The following TBC1D32 variants were observed in gnomAD, a reference collection of about 807,000 sequenced individuals.
TBC1D32 encodes protein broad-minded.
Under a neutral mutation model 170.3 loss-of-function variants are expected in TBC1D32, and 151 were observed. The observed-to-expected ratio is 0.89, with a 90% CI of 0.78 to 1.01. TBC1D32 has a LOEUF of 1.01. TBC1D32 is among the 50% of genes least tolerant of loss of function. The pLI is 0.00. For synonymous variants in TBC1D32, 498 were observed against 488.0 expected, an observed-to-expected ratio of 1.02 and a Z score of -0.27; for missense variants, 1,464 against 1,457.1, an observed-to-expected ratio of 1.00 and a Z score of -0.08.
intron 30 of TBC1D32, among the ~76,000 whole-genome samples, chr6:121,100,862 A>G (rs578158879): frequency 6.6e-6 from 1 of 152,216 alleles, no homozygotes; most frequent in South Asian, 2.1e-4. Context: ...AGAAGGAAAG[A>G]GAGAAGCATC....
At chr6:121,274,822 G>A (rs1272677430) in intron 15 of TBC1D32, among the ~76,000 whole-genome samples, 1 of 152,156 alleles carries the variant, frequency 6.6e-6, no homozygotes, top group African/African-American at 2.4e-5. Context: ...AAGTAGGTGG[G>A]AAGGCTCAAA....
At chr6:121,210,368 T>C (rs188236628) in intron 21 of TBC1D32, among the ~76,000 whole-genome samples, 1 of 152,314 alleles carries the variant, frequency 6.6e-6, no homozygotes, top group Admixed American at 6.5e-5. Context: ...TTTGAACACA[T>C]AATCTTCTTA....
At chr6:121,249,305 A>T (rs1233675473) in intron 17 of TBC1D32, among the ~76,000 whole-genome samples, 1 of 151,906 alleles carries the variant, frequency 6.6e-6, no homozygotes, top group Non-Finnish European at 1.5e-5. Flanking sequence ...AGGCATAGAC[A>T]GGACTTACCT....
chr6:121,141,711 GTATAC>G (rs1157223812), intron 24 of TBC1D32, among the ~76,000 whole-genome samples: 1 of 151,950 alleles, frequency 6.6e-6, no homozygotes, highest in African/African-American at 2.4e-5. Context: ...CCAATCCTAG[GTATAC>G]TGAAGAGAAA....
intron 21 of TBC1D32, among the ~76,000 whole-genome samples, chr6:121,206,477 A>C (rs1792290596): frequency 6.6e-6 from 1 of 152,156 alleles, no homozygotes; most frequent in Non-Finnish European, 1.5e-5. Flanking sequence ...TGGTACAAAG[A>C]CTATTTCATC....
intron 12 of TBC1D32, among the ~76,000 whole-genome samples, chr6:121,289,919 A>AAGG (rs1401785535): frequency 3.3e-5 from 5 of 152,194 alleles, no homozygotes; most frequent in African/African-American, 1.2e-4. Flanking sequence ...TATTCAATAA[A>AAGG]TGGTGCTGGG....
chr6:121,136,636 T>C (rs1782115053), intron 24 of TBC1D32, among the ~76,000 whole-genome samples: 1 of 152,146 alleles, frequency 6.6e-6, no homozygotes, highest in Non-Finnish European at 1.5e-5. Flanking sequence ...AATGGTAGTA[T>C]GCAAGTGGGT....
chr6:121,200,270 A>G (rs1562878765), intron 22 of TBC1D32, among the ~76,000 whole-genome samples: 1 of 151,422 alleles, frequency 6.6e-6, no homozygotes, highest in Non-Finnish European at 1.5e-5. Context: ...AACTAAGTAC[A>G]TCTTTAGCAT....
Position 121,095,767 on chromosome 6 carries a change from C to T in TBC1D32, c.3466-4726G>A, listed in dbSNP as rs964765799. 3.3e-5 allele frequency: 5 copies of T among 152,240 alleles called. No individual in the cohort carries two copies. The East Asian group carries it at 9.6e-4, about 29-fold the overall frequency. 9.4% of individuals were successfully genotyped at this position (152,240 alleles called of 1,614,324 possible). On this transcript the variant is annotated intron_variant, in intron 30 of 31. Transcript: ENST00000398212. ...TGCGTATGTTGAACCAGTCTTGCATCCCAGGGATGAAGCCGACTTGATTGT... is the reference window on the plus strand; with the variant it reads ...TGCGTATGTTGAACCAGTCTTGCATTCCAGGGATGAAGCCGACTTGATTGT...
intron 12 of TBC1D32, among the ~76,000 whole-genome samples, chr6:121,284,915 T>C (rs990763680): frequency 1.4e-4 from 22 of 152,196 alleles, no homozygotes; most frequent in African/African-American, 5.1e-4. Context: ...GTGCTCATTA[T>C]GCATAGAATT....
intron 10 of TBC1D32, 50 bp from the exon 11 acceptor site, chr6:121,294,710 CAAGAATTAA>C: frequency 7.2e-7 from 1 of 1,392,154 alleles, no homozygotes; most frequent in Non-Finnish European, 1.0e-6. Context: ...CCCTCAAGTC[CAAGAATTAA>C]AAGAAATTAG....
chr6:121,270,784 T>C (rs957353836), intron 15 of TBC1D32, among the ~76,000 whole-genome samples: 8 of 152,084 alleles, frequency 5.3e-5, no homozygotes, highest in Non-Finnish European at 7.4e-5. Flanking sequence ...ATCCTGATAC[T>C]AAAGCCTGGC....
intron 3 of TBC1D32, among the ~76,000 whole-genome samples, chr6:121,317,237 TTA>T (rs1051310873): frequency 9.9e-5 from 15 of 151,956 alleles, no homozygotes; most frequent in African/African-American, 3.6e-4. Flanking sequence ...GTTCAACACA[TTA>T]TTTTTTTTAA....
At chr6:121,222,820 C>T (rs1342482159) in intron 21 of TBC1D32, among the ~76,000 whole-genome samples, 7 of 152,150 alleles carry the variant, frequency 4.6e-5, no homozygotes, top group African/African-American at 1.2e-4. Context: ...ATACTGCCCT[C>T]ATGGGGCAAT....
intron 1 of TBC1D32, among the ~76,000 whole-genome samples, chr6:121,324,077 A>T (rs7740477): frequency 0.99 from 150,528 of 152,338 alleles, 74,408 homozygotes; most frequent in East Asian, 1. Flanking sequence ...GAAAAAACCT[A>T]GTTAAATTCA....
intron 22 of TBC1D32, among the ~76,000 whole-genome samples, chr6:121,170,964 T>A (rs1247448765): frequency 6.6e-6 from 1 of 152,000 alleles, no homozygotes. Context: ...GTGGCTAATT[T>A]TATAATTGTC....
chr6:121,246,441 T>C (rs2128373105), intron 17 of TBC1D32, among the ~76,000 whole-genome samples: 1 of 151,758 alleles, frequency 6.6e-6, no homozygotes, highest in South Asian at 2.1e-4. Flanking sequence ...TCTACCCAAA[T>C]GAAAAAAGTA....
intron 22 of TBC1D32, among the ~76,000 whole-genome samples, chr6:121,173,374 T>G (rs544721209): frequency 5.9e-5 from 9 of 152,256 alleles, no homozygotes; most frequent in Admixed American, 4.6e-4. Context: ...GAGTCAATAC[T>G]CCTTAATGAA....
intron 5 of TBC1D32, among the ~76,000 whole-genome samples, chr6:121,306,815 T>C (rs1483111717): frequency 6.6e-6 from 1 of 152,182 alleles, no homozygotes; most frequent in Non-Finnish European, 1.5e-5. Context: ...CTTCATAATT[T>C]TACAATTTTA....
Sources: allele counts gnomAD v4.1 joint callset (sites outside exome capture counted in the v4.1 genomes callset), GRCh38; gene constraint gnomAD v4.1.1; transcripts MANE v1.5; gene names NCBI Gene and HGNC (gene_info 2026-07-23, HGNC 2026-07-21).